The following IL3 variants were observed in gnomAD, a reference collection of about 807,000 sequenced individuals.
The protein encoded by IL3 is interleukin 3.
Under a neutral mutation model 15.4 loss-of-function variants are expected in IL3, and 15 were observed. That is an observed-to-expected ratio of 0.97 (90% CI 0.65 to 1.50). The LOEUF is 1.50. Among genes scored for constraint, IL3 ranks in the 40% most tolerant of loss-of-function variants. The probability of loss-of-function intolerance (pLI) is 0.00; values close to 1 mark genes in which losing one functional copy is unlikely to be tolerated. For synonymous variants in IL3, 74 were observed against 79.3 expected (o/e 0.93, Z 0.36); for missense variants, 162 against 192.2 (o/e 0.84, Z 0.93).
intron 1 of IL3, 26 bp downstream of exon 1, chr5:132,060,894 T>TGCAG: frequency 6.2e-7 from 1 of 1,611,686 alleles, no homozygotes; most frequent in Non-Finnish European, 8.5e-7. Context: ...AAGACTGGCC[T>TGCAG]GCAGCAGTGA....
At chr5:132,061,362 C>T (rs1756475093) in intron 2 of IL3, among the ~76,000 whole-genome samples, 3 of 152,190 alleles carry the variant, frequency 2.0e-5, no homozygotes, top group Admixed American at 6.5e-5. Flanking sequence ...GTGCCAGCTT[C>T]TTTTTCCCTT....
At position 132,062,541 on chromosome 5, in the gene IL3, C is replaced by G; in HGVS notation, c.310C>G (p.Leu104Val). ...ESILKNLLPC[L>V]PLATAAPTRH... ...CTTTCCACAGAATCTCCTGCCATGT[C>G]TGCCCCTGGCCACGGCCGCACCCAC... Residue 104 changes from leucine (L) to valine (V), a missense_variant, in exon 4 of 5, where the codon CTG becomes GTG. Transcript: ENST00000296870. 1 of 1,614,232 alleles carries G rather than the reference C, an allele frequency of 6.2e-7. No homozygotes were observed. Among genetic ancestry groups the G allele is most frequent in the Non-Finnish European group, 8.5e-7 (1 of 1,180,036 alleles).
Position 132,062,738 on chromosome 5 carries a change from AC to A in IL3, c.409del (p.Glu138ArgfsTer10), listed in dbSNP as rs758129609. On this transcript the variant is annotated frameshift_variant, in exon 5 of 5. Coordinates refer to ENST00000296870, the MANE Select transcript of IL3 (RefSeq NM_000588.4). LOFTEE classifies it low-confidence loss of function (END_TRUNC). ...GAGGAAACTGACGTTCTATCTGAAAACCCTTGAGAATGCGCAGGCTCAACAG... is the reference window on the plus strand; with the variant it reads ...GAGGAAACTGACGTTCTATCTGAAAACCTTGAGAATGCGCAGGCTCAACAG... ...FRRKLTFYLKTLENAQAQQTT... is the reference protein window; with the variant it reads ...FRRKLTFYLKXLENAQAQQTT... The A allele has an allele frequency of 1.1e-5, 17 of 1,613,718 alleles. No homozygotes were observed. Among genetic ancestry groups the A allele is most frequent in the African/African-American group, 5.3e-5 (4 of 74,772 alleles).
At position 132,062,558 on chromosome 5, in the gene IL3, C is replaced by T. The variant is rs139674576; in HGVS notation, c.327C>T (p.Ala109=). 10 of 1,614,024 alleles carry T rather than the reference C, an allele frequency of 6.2e-6. No homozygotes were observed. Among genetic ancestry groups the T allele is most frequent in the African/African-American group, 1.3e-5 (1 of 74,914 alleles). ...TGCCATGTCTGCCCCTGGCCACGGCCGCACCCACGGTAAGCTGTCCCCCAA... is the reference window on the plus strand; with the variant it reads ...TGCCATGTCTGCCCCTGGCCACGGCTGCACCCACGGTAAGCTGTCCCCCAA... ...NLLPCLPLAT[A]APTRHPIHIK... The change falls in exon 4 of 5, where the codon GCC becomes GCT. Residue 109 remains alanine, a synonymous_variant. Transcript: ENST00000296870.
intron 2 of IL3, among the ~76,000 whole-genome samples, chr5:132,061,261 G>C (rs1298090231): frequency 6.6e-6 from 1 of 152,180 alleles, no homozygotes; most frequent in African/African-American, 2.4e-5. Context: ...AAAATGAAAA[G>C]GCAGTTCTAG....
At position 132,062,623 on chromosome 5, in the gene IL3, T is replaced by C. The variant is rs762940168; in HGVS notation, c.337-46T>C. On this transcript the variant is annotated intron_variant, in intron 4 of 4. Coordinates refer to ENST00000296870, the MANE Select transcript of IL3 (RefSeq NM_000588.4). ...CTTGCTCCTCAGCTGGTCATCACCA[T>C]TACAGCCTGGACTCACCTAATGCCA... 3.7e-6 allele frequency: 6 copies of C among 1,613,288 alleles called. No homozygotes were observed. The Admixed American group carries it at 8.3e-5, about 22-fold the overall frequency.
At position 132,062,840 on chromosome 5, in the gene IL3, G is replaced by C; in HGVS notation, c.*49G>C. On this transcript the variant is annotated 3_prime_UTR_variant, in exon 5 of 5. Transcript: ENST00000296870. ...GGGCCTTCTCACCACAGAGCCTCGG[G>C]ACATCAAAAACAGCAGAACTTCTGA... The C allele has an allele frequency of 6.3e-7, 1 of 1,576,210 alleles. No homozygotes were observed. The highest frequency in any genetic ancestry group is 8.6e-7 in the Non-Finnish European group (1 of 1,160,292).
chr5:132,061,768 A>C (rs865853704), intron 2 of IL3, among the ~76,000 whole-genome samples: 10 of 118,422 alleles, frequency 8.4e-5, no homozygotes, highest in Middle Eastern at 4.5e-3. Flanking sequence ...CTCCCCACCC[A>C]TTTTTTTTTT....
intron 2 of IL3, 81 bp downstream of exon 2, chr5:132,061,089 C>A: frequency 2.3e-6 from 3 of 1,276,990 alleles, no homozygotes; most frequent in South Asian, 1.2e-5. Flanking sequence ...CCTAGCCTTG[C>A]TTTCTTCATC....
At chr5:132,061,030 C>T (rs368591512) in intron 2 of IL3, 22 bp downstream of exon 2, 112 of 1,612,392 alleles carry the variant, frequency 6.9e-5, no homozygotes, top group South Asian at 5.4e-4. Context: ...GCCCGTGGAT[C>T]CCGATCCACT....
In IL3 at chr5:132,062,191, G is replaced by A. The variant is rs1756491752; in HGVS notation, c.205-121G>A. On this transcript the variant is annotated intron_variant, in intron 2 of 4. Transcript: ENST00000296870. ...CCCACCTGAGGCAAGAACGGGACTA[G>A]GAGGGAACCCGAGGATGTCCCCAAC... The A allele has an allele frequency of 3.6e-6, 3 of 822,506 alleles. No homozygotes were observed. The Admixed American group carries it at 5.4e-5, about 15-fold the overall frequency. The allele number at this position is 822,506 out of a possible 1,614,324, so 51.0% of individuals were successfully genotyped here.
intron 2 of IL3, among the ~76,000 whole-genome samples, chr5:132,061,342 C>A (rs1756474535): frequency 6.6e-6 from 1 of 152,192 alleles, no homozygotes; most frequent in South Asian, 2.1e-4. Context: ...CAGAAATTTC[C>A]CCCTCAGATG....
At chr5:132,061,297 T>C (rs1488478732) in intron 2 of IL3, among the ~76,000 whole-genome samples, 2 of 152,230 alleles carry the variant, frequency 1.3e-5, no homozygotes, top group African/African-American at 4.8e-5. Context: ...GGCCTTAAGG[T>C]CAGTGTTTGG....
intron 2 of IL3, 33 bp from the exon 3 acceptor site, chr5:132,062,279 T>C (rs1237135287): frequency 1.3e-6 from 2 of 1,531,892 alleles, no homozygotes; most frequent in East Asian, 2.2e-5. Context: ...CTCTGTAACC[T>C]TTCCCCCTTA....
Position 132,062,292 on chromosome 5 carries a change from T to A in IL3, c.205-20T>A, listed in dbSNP as rs765661005. On this transcript the variant is annotated intron_variant, in intron 2 of 4. Transcript: ENST00000296870. ...TACTCTGTAACCTTTCCCCCTTAAG[T>A]GTATTCTCTGCCCCGTTAGGAAAAT... 1.3e-6 allele frequency: 2 copies of A among 1,580,892 alleles called. No homozygotes were observed. Among genetic ancestry groups the A allele is most frequent in the Non-Finnish European group, 1.7e-6 (2 of 1,149,726 alleles).
At chr5:132,062,274 T>C (rs1756493346) in intron 2 of IL3, 38 bp from the exon 3 acceptor site, 2 of 1,507,070 alleles carry the variant, frequency 1.3e-6, no homozygotes, top group African/African-American at 1.4e-5. Context: ...GGATACTCTG[T>C]AACCTTTCCC....
chr5:132,062,873 G>C lies in IL3; in HGVS notation c.*82G>C. On this transcript the variant is annotated 3_prime_UTR_variant, in exon 5 of 5. Coordinates refer to ENST00000296870, the MANE Select transcript of IL3 (RefSeq NM_000588.4). ...AAACAGCAGAACTTCTGAAACCTCT[G>C]GGTCATCTCTCACACATTCCAGGAC... 1 of 1,527,618 alleles carries C rather than the reference G, an allele frequency of 6.5e-7. No homozygotes were observed. The highest frequency in any genetic ancestry group is 1.3e-5 in the South Asian group (1 of 77,610). The allele number at this position is 1,527,618 out of a possible 1,614,324, so 94.6% of individuals were successfully genotyped here. A position where few individuals can be genotyped will look rare whatever the true frequency, so the allele number is the denominator to read the frequency against.
Position 132,062,833 on chromosome 5 carries a change from G to C in IL3, c.*42G>C. On this transcript the variant is annotated 3_prime_UTR_variant, in exon 5 of 5. Coordinates refer to ENST00000296870, the MANE Select transcript of IL3 (RefSeq NM_000588.4). Reference sequence around the variant, plus strand: ...GTTCTCTGGGCCTTCTCACCACAGAGCCTCGGGACATCAAAAACAGCAGAA... The same window carrying C: ...GTTCTCTGGGCCTTCTCACCACAGACCCTCGGGACATCAAAAACAGCAGAA... 1 of 1,582,050 alleles carries C rather than the reference G, an allele frequency of 6.3e-7. No individual in the cohort carries two copies. Among genetic ancestry groups the C allele is most frequent in the Non-Finnish European group, 8.6e-7 (1 of 1,163,036 alleles).
intron 2 of IL3, 44 bp from the exon 3 acceptor site, chr5:132,062,268 A>G (rs1756493061): frequency 2.1e-6 from 3 of 1,455,356 alleles, no homozygotes; most frequent in Non-Finnish European, 2.9e-6. Context: ...TGGGAGGGAT[A>G]CTCTGTAACC....
Sources: gnomAD v4.1 joint callset for allele counts (sites outside exome capture counted in the v4.1 genomes callset) on GRCh38, gnomAD v4.1.1 for gene constraint, MANE v1.5 for transcripts, NCBI Gene and HGNC (gene_info 2026-07-23, HGNC 2026-07-21) for gene names.